Variants in EYS observed in about 807,000 individuals in gnomAD.
EYS encodes the protein protein eyes shut homolog.
EYS carries 250 observed loss-of-function variants against 282.1 expected under a neutral mutation model. That is an observed-to-expected ratio of 0.89 (90% confidence interval 0.80 to 0.98). The LOEUF is 0.98. EYS is among the 50% of genes least tolerant of loss of function. The pLI is 0.00. For synonymous variants in EYS, 1,355 were observed against 1,282.9 expected, an observed-to-expected ratio of 1.06 and a Z score of -1.20; for missense variants, 4,016 against 3,709.0, an observed-to-expected ratio of 1.08 and a Z score of -2.15.
At chr6:65,022,019 T>C (rs1772265839) in intron 13 of EYS, among the ~76,000 whole-genome samples, 1 of 152,168 alleles carries the variant, frequency 6.6e-6, no homozygotes, top group South Asian at 2.1e-4. Context: ...CATGTGGGAA[T>C]TATGAGGACT....
intron 22 of EYS, among the ~76,000 whole-genome samples, chr6:64,698,584 A>T (rs1366006069): frequency 1.3e-5 from 2 of 152,186 alleles, no homozygotes; most frequent in African/African-American, 4.8e-5. Context: ...GAAACTATGT[A>T]TCTGACAAAG....
At chr6:65,651,170 G>A (rs1005766584) in intron 1 of EYS, among the ~76,000 whole-genome samples, 3 of 151,910 alleles carry the variant, frequency 2.0e-5, no homozygotes, top group South Asian at 4.1e-4. Context: ...TTGTACTAGA[G>A]AAAGCTACTC....
chr6:64,436,909 C>T (rs2150464545), intron 27 of EYS, among the ~76,000 whole-genome samples: 1 of 151,818 alleles, frequency 6.6e-6, no homozygotes, highest in East Asian at 1.9e-4. Flanking sequence ...TATATTGTGT[C>T]TATTCTTTCC....
intron 30 of EYS, among the ~76,000 whole-genome samples, chr6:64,296,728 T>C (rs1221147819): frequency 6.6e-6 from 1 of 150,384 alleles, no homozygotes; most frequent in Non-Finnish European, 1.5e-5. Flanking sequence ...TGCCTCAGCC[T>C]CCCGAGTAGC....
intron 35 of EYS, among the ~76,000 whole-genome samples, chr6:63,908,183 G>C (rs926941603): frequency 6.0e-5 from 9 of 151,086 alleles, no homozygotes; most frequent in Non-Finnish European, 1.3e-4. Flanking sequence ...TACAAGTGCA[G>C]ATATCAAATG....
rs935323207 is a variant in EYS at position 64,822,736 on chromosome 6, T to C, written c.3079A>G (p.Thr1027Ala). The C allele has an allele frequency of 3.3e-5, 51 of 1,550,206 alleles. No homozygotes were observed. The African/African-American group carries it at 6.6e-4, about 20-fold the overall frequency. ...GVCIDGINHY[T>A]CDCKSGFFGT... ...AAAAACCCACTCTTGCAGTCACAGG[T>C]ATAATGATTGATGCCATCGATACAA... The change falls in exon 20 of 43, where the codon ACC becomes GCC. Residue 1027 changes from threonine (T) to alanine (A), a missense_variant. Thr to Ala is a moderately conservative substitution (Grantham distance 58, BLOSUM62 0). Coordinates refer to ENST00000503581, the MANE Select transcript of EYS (RefSeq NM_001142800.2).
At chr6:64,262,148 CAT>C (rs781670495) in intron 30 of EYS, among the ~76,000 whole-genome samples, 2 of 152,038 alleles carry the variant, frequency 1.3e-5, no homozygotes. Context: ...GTGCCCATGA[CAT>C]GTGCATTTAT....
chr6:65,310,333 G>C (rs1428504183), intron 11 of EYS, among the ~76,000 whole-genome samples: 1 of 152,046 alleles, frequency 6.6e-6, no homozygotes, highest in Non-Finnish European at 1.5e-5. Flanking sequence ...GATGGAGTGA[G>C]ACTCTGTCTA....
chr6:64,106,471 C>T (rs1773015898), intron 31 of EYS, among the ~76,000 whole-genome samples: 1 of 151,808 alleles, frequency 6.6e-6, no homozygotes, highest in Non-Finnish European at 1.5e-5. Flanking sequence ...ATATTTCATT[C>T]CTTTCTGTTT....
intron 26 of EYS, among the ~76,000 whole-genome samples, chr6:64,465,012 A>C (rs1775871343): frequency 6.6e-6 from 1 of 151,990 alleles, no homozygotes; most frequent in Non-Finnish European, 1.5e-5. Flanking sequence ...AATGAATATT[A>C]AAATAAGTAA....
intron 22 of EYS, among the ~76,000 whole-genome samples, chr6:64,719,113 A>G (rs1771490182): frequency 6.6e-6 from 1 of 152,174 alleles, no homozygotes; most frequent in Admixed American, 6.5e-5. Context: ...CGGGCAAGTG[A>G]TGTGGGAATG....
At chr6:64,999,206 G>A (rs931381003) in intron 13 of EYS, among the ~76,000 whole-genome samples, 35 of 152,144 alleles carry the variant, frequency 2.3e-4, no homozygotes, top group African/African-American at 7.7e-4. Context: ...ATACCAAAGG[G>A]AAATCGGATA....
intron 32 of EYS, among the ~76,000 whole-genome samples, chr6:64,081,190 G>A (rs375750433): frequency 1.3e-5 from 2 of 152,238 alleles, no homozygotes; most frequent in East Asian, 3.9e-4. Flanking sequence ...TCCAATATGA[G>A]GAATTGTTAA....
chr6:64,095,240 G>A (rs2150254716), intron 31 of EYS, among the ~76,000 whole-genome samples: 1 of 152,246 alleles, frequency 6.6e-6, no homozygotes, highest in Non-Finnish European at 1.5e-5. Context: ...GTTGATTTGG[G>A]GTGGAGAGTT....
intron 22 of EYS, among the ~76,000 whole-genome samples, chr6:64,701,892 T>C (rs1449274863): frequency 6.6e-6 from 1 of 151,966 alleles, no homozygotes; most frequent in Non-Finnish European, 1.5e-5. Context: ...CAGAAGTATA[T>C]AATAACTTTA....
chr6:64,084,606 C>G (rs765107198), intron 31 of EYS, among the ~76,000 whole-genome samples: 1 of 152,160 alleles, frequency 6.6e-6, no homozygotes, highest in Non-Finnish European at 1.5e-5. Flanking sequence ...TAGAGGTGGA[C>G]AGATGGGCTG....
At chr6:63,754,882 C>A (rs968517225) in intron 41 of EYS, among the ~76,000 whole-genome samples, 23 of 152,196 alleles carry the variant, frequency 1.5e-4, no homozygotes, top group Non-Finnish European at 3.1e-4. Flanking sequence ...GATCACCATT[C>A]TAACTGGTGT....
chr6:64,299,497 G>C (rs772539076), intron 30 of EYS, among the ~76,000 whole-genome samples: 18 of 152,308 alleles, frequency 1.2e-4, no homozygotes, highest in African/African-American at 4.1e-4. Flanking sequence ...ACGCTGCAAC[G>C]GACTGGTGAT....
In EYS at chr6:64,223,960, C is replaced by T. The variant is rs188131367; in HGVS notation, c.6424+6632G>A. On this transcript the variant is annotated intron_variant, in intron 31 of 42. Coordinates refer to ENST00000503581, the MANE Select transcript of EYS (RefSeq NM_001142800.2). ...GGCCTATATCATTTTCTTTATTATC[C>T]ATATCTTTTGTGCCATGGTCAAGTT... 9.3e-4 allele frequency among the ~76,000 whole-genome samples: 141 copies of T among 152,014 alleles called. 1 individual carries two copies. The South Asian group carries it at 0.014, about 15-fold the overall frequency.
Sources: gnomAD v4.1 joint callset for allele counts (sites outside exome capture counted in the v4.1 genomes callset) on GRCh38, gnomAD v4.1.1 for gene constraint, MANE v1.5 for transcripts, NCBI Gene and HGNC (gene_info 2026-07-23, HGNC 2026-07-21) for gene names.